UGT2A3: variants seen among roughly 807,000 people sequenced by gnomAD.
UGT2A3 encodes the protein UDP-glucuronosyltransferase 2A3.
Under a neutral mutation model 44.1 loss-of-function variants are expected in UGT2A3, and 55 were observed. The observed-to-expected ratio is 1.25, with a 90% CI of 1.00 to 1.56. The LOEUF (loss-of-function observed/expected upper bound fraction) is 1.56. Ranked by LOEUF, UGT2A3 falls within the 40% of genes most tolerant of loss-of-function variation. UGT2A3 has a pLI of 0.00. For missense variants in UGT2A3, 733 were observed against 621.6 expected, an observed-to-expected ratio of 1.18 and a Z score of -1.91; for synonymous variants, 243 against 215.1, an observed-to-expected ratio of 1.13 and a Z score of -1.13.
At chr4:68,935,290 A>ATATG (rs1717900123) in intron 2 of UGT2A3, among the ~76,000 whole-genome samples, 1 of 79,550 alleles carries the variant, frequency 1.3e-5, no homozygotes, top group Non-Finnish European at 2.2e-5. Context: ...ATATATATAT[A>ATATG]TATATATATA....
intron 1 of UGT2A3, among the ~76,000 whole-genome samples, chr4:68,947,700 A>G (rs1718430842): frequency 2.0e-5 from 3 of 151,958 alleles, no homozygotes; most frequent in East Asian, 2.0e-4. Flanking sequence ...TCAAGGCTAT[A>G]TGATCCATGG....
At chr4:68,942,534 TATATAC>T (rs1190970010) in intron 2 of UGT2A3, among the ~76,000 whole-genome samples, 15 of 145,356 alleles carry the variant, frequency 1.0e-4, no homozygotes, top group South Asian at 4.3e-4. Context: ...TATATATATA[TATATAC>T]ATTTTCCAAT....
intron 2 of UGT2A3, among the ~76,000 whole-genome samples, chr4:68,940,634 A>T (rs1246626512): frequency 6.6e-6 from 1 of 151,540 alleles, no homozygotes; most frequent in Non-Finnish European, 1.5e-5. Flanking sequence ...AAAATGGCAC[A>T]TGTATACCTA....
intron 5 of UGT2A3, 35 bp downstream of exon 5, chr4:68,930,511 A>G (rs1362828317): frequency 6.5e-7 from 1 of 1,544,862 alleles, no homozygotes; most frequent in Non-Finnish European, 8.8e-7. Flanking sequence ...AACATAGTCA[A>G]TGTTAGATCA....
chr4:68,947,925 G>T (rs1718438595), intron 1 of UGT2A3, among the ~76,000 whole-genome samples: 1 of 151,726 alleles, frequency 6.6e-6, no homozygotes, highest in Admixed American at 6.6e-5. Flanking sequence ...TTGTTCCATT[G>T]ATATAACACA....
At chr4:68,930,332 C>T (rs535916994) in intron 5 of UGT2A3, among the ~76,000 whole-genome samples, 6 of 152,104 alleles carry the variant, frequency 3.9e-5, no homozygotes, top group Admixed American at 1.3e-4. Flanking sequence ...GCTTAGTAAG[C>T]CAGTTGTTAA....
At chr4:68,933,078 A>C (rs914302997) in intron 2 of UGT2A3, among the ~76,000 whole-genome samples, 1 of 152,062 alleles carries the variant, frequency 6.6e-6, no homozygotes, top group Non-Finnish European at 1.5e-5. Context: ...TAATTTGCTA[A>C]AATATAAAAT....
At chr4:68,931,774 A>C (rs1468214541) in intron 3 of UGT2A3, among the ~76,000 whole-genome samples, 3 of 152,030 alleles carry the variant, frequency 2.0e-5, no homozygotes, top group South Asian at 4.1e-4. Flanking sequence ...AAAATTACTT[A>C]TGTTCCACTG....
chr4:68,930,475 A>C (rs1311977687), intron 5 of UGT2A3, 71 bp downstream of exon 5: 1 of 1,351,138 alleles, frequency 7.4e-7, no homozygotes, highest in African/African-American at 1.5e-5. Flanking sequence ...CCAGGATGAT[A>C]TTTAACATTT....
At chr4:68,935,272 G>GTATATATA (rs57461958) in intron 2 of UGT2A3, among the ~76,000 whole-genome samples, 2 of 89,208 alleles carry the variant, frequency 2.2e-5, no homozygotes, top group African/African-American at 7.1e-5. Flanking sequence ...ATGTATGTAT[G>GTATATATA]TATGTATATA....
intron 2 of UGT2A3, among the ~76,000 whole-genome samples, chr4:68,936,188 A>G (rs921149608): frequency 6.6e-6 from 1 of 152,118 alleles, no homozygotes; most frequent in East Asian, 1.9e-4. Context: ...GCAGGCCAAC[A>G]TTCAAATTCA....
intron 2 of UGT2A3, among the ~76,000 whole-genome samples, chr4:68,942,012 C>A (rs1718205190): frequency 6.6e-6 from 1 of 151,626 alleles, no homozygotes; most frequent in African/African-American, 2.4e-5. Context: ...GAAAGAAGAT[C>A]TTTTATAAAC....
At chr4:68,948,816 A>G (rs1170401999) in intron 1 of UGT2A3, among the ~76,000 whole-genome samples, 1 of 151,830 alleles carries the variant, frequency 6.6e-6, no homozygotes, top group Non-Finnish European at 1.5e-5. Flanking sequence ...TTGTTGCTAC[A>G]AAGGAACAAC....
At position 68,945,363 on chromosome 4, in the gene UGT2A3, T is replaced by C. The variant is rs763762927; in HGVS notation, c.807A>G (p.Gln269=). Residue 269 remains glutamine (Q), a synonymous_variant, in exon 2 of 6, where the codon CAA becomes CAG. Coordinates refer to ENST00000251566, the MANE Select transcript of UGT2A3 (RefSeq NM_024743.4). The part of the protein sequence containing the change: ...YWDFEFPQPY[Q]PNFEFVGGLH... ...ATCCTCCAACAAACTCAAAGTTAGG[T>C]TGGTATGGTTGAGGAAATTCAAAAT... is the stretch of plus-strand genomic sequence containing the variant. 2 of 1,611,452 alleles carry C rather than the reference T, an allele frequency of 1.2e-6. No homozygotes were observed. Among genetic ancestry groups the C allele is most frequent in the South Asian group, 2.2e-5 (2 of 90,988 alleles).
chr4:68,949,659 T>C (rs1407343609), intron 1 of UGT2A3, among the ~76,000 whole-genome samples: 5 of 151,892 alleles, frequency 3.3e-5, no homozygotes, highest in Non-Finnish European at 5.9e-5. Flanking sequence ...GCAATTTTTG[T>C]GAAGGACAAT....
At chr4:68,942,863 A>T (rs1176807583) in intron 2 of UGT2A3, among the ~76,000 whole-genome samples, 1 of 151,690 alleles carries the variant, frequency 6.6e-6, no homozygotes, top group African/African-American at 2.4e-5. Flanking sequence ...TATAGTTAAT[A>T]GTAATGTATT....
At chr4:68,937,927 A>G (rs1170353732) in intron 2 of UGT2A3, among the ~76,000 whole-genome samples, 2 of 152,186 alleles carry the variant, frequency 1.3e-5, no homozygotes, top group African/African-American at 4.8e-5. Flanking sequence ...AGAATATTAT[A>G]AACACCTGTA....
intron 1 of UGT2A3, among the ~76,000 whole-genome samples, chr4:68,949,451 C>T (rs942385372): frequency 1.3e-5 from 2 of 151,692 alleles, no homozygotes; most frequent in Admixed American, 6.6e-5. Flanking sequence ...CATCAAGGTG[C>T]CCCCAAGCTA....
chr4:68,935,266 A>C (rs1577847120), intron 2 of UGT2A3, among the ~76,000 whole-genome samples: 1 of 13,346 alleles, frequency 7.5e-5, no homozygotes, highest in South Asian at 4.8e-3. Context: ...GTGTGTATGT[A>C]TGTATGTATG....
Sources: allele counts gnomAD v4.1 joint callset (sites outside exome capture counted in the v4.1 genomes callset), GRCh38; gene constraint gnomAD v4.1.1; transcripts MANE v1.5; gene names NCBI Gene and HGNC (gene_info 2026-07-23, HGNC 2026-07-21).